Variants in TMCO5A observed in about 807,000 individuals in gnomAD.
The protein encoded by TMCO5A is transmembrane and coiled-coil domains 5A, also known as transmembrane and coiled-coil domain-containing protein 5A.
Under a neutral mutation model 42.3 loss-of-function variants are expected in TMCO5A, and 34 were observed. The ratio of observed to expected loss-of-function variants is 0.80; its 90% CI spans 0.61 to 1.07. The LOEUF (loss-of-function observed/expected upper bound fraction) is 1.07. Ranked by LOEUF, TMCO5A falls within the 50% of genes least tolerant of loss-of-function variation. The probability of loss-of-function intolerance (pLI) is 0.00; values close to 1 mark genes in which losing one functional copy is unlikely to be tolerated. For missense variants in TMCO5A, 357 were observed against 327.9 expected, an observed-to-expected ratio of 1.09 and a Z score of -0.69; for synonymous variants, 131 against 115.6, an observed-to-expected ratio of 1.13 and a Z score of -0.86.
In TMCO5A at chr15:37,949,597, C is replaced by T. The variant is rs906062104; in HGVS notation, c.669-1439C>T. Among the ~76,000 whole-genome samples the T allele has an allele frequency of 5.9e-5, 9 of 151,410 alleles. No homozygotes were observed. The South Asian group carries it at 6.2e-4, about 10-fold the overall frequency. On this transcript the variant is annotated intron_variant, in intron 11 of 11. Transcript: ENST00000319669. ...TTGCATGTCAAAGGAAAAGGCAGAACGAACTGTTCAATAAGAACAGCAGGG... is the reference window on the plus strand; with the variant it reads ...TTGCATGTCAAAGGAAAAGGCAGAATGAACTGTTCAATAAGAACAGCAGGG...
the TMCO5A span, among the ~76,000 whole-genome samples, chr15:37,997,146 AC>A: frequency 6.6e-6 from 1 of 152,126 alleles, no homozygotes; most frequent in Admixed American, 6.6e-5. Flanking sequence ...TGGGAGAAAA[AC>A]GACCTGGGAG....
chr15:37,951,122 A>T lies in TMCO5A; in HGVS notation c.755A>T (p.Asp252Val). 1 of 1,613,780 alleles carries T rather than the reference A, an allele frequency of 6.2e-7. No individual in the cohort carries two copies. Among genetic ancestry groups the T allele is most frequent in the Non-Finnish European group, 8.5e-7 (1 of 1,179,882 alleles). Residue 252 changes from aspartate to valine, a missense_variant, in exon 12 of 12, where the codon GAT (aspartate) becomes GTT (valine). By Grantham distance (152) the Asp-to-Val change is radical (BLOSUM62 -3). Coordinates refer to ENST00000319669, the MANE Select transcript of TMCO5A (RefSeq NM_152453.4). ...TTTCATGTAAGATTCATAAATCCAG[A>T]TCTCCTCGTCAATGTACTGCCCAAG... ...MFFHVRFINP[D>V]LLVNVLPKVL...
the TMCO5A span, among the ~76,000 whole-genome samples, chr15:37,997,019 G>A: frequency 2.0e-5 from 3 of 152,210 alleles, no homozygotes; most frequent in Non-Finnish European, 2.9e-5. Context: ...TAGGATGAAT[G>A]AGTTCATTAG....
At chr15:37,946,941 G>T (rs1395852773) in intron 10 of TMCO5A, among the ~76,000 whole-genome samples, 2 of 152,050 alleles carry the variant, frequency 1.3e-5, no homozygotes, top group Admixed American at 6.6e-5. Context: ...AGTTTTCAAG[G>T]GGAATGCTTC....
At position 37,951,154 on chromosome 15, in the gene TMCO5A, G is replaced by T. The variant is rs144635348; in HGVS notation, c.787G>T (p.Gly263Cys). 2.0e-5 allele frequency: 33 copies of T among 1,613,614 alleles called. No individual in the cohort carries two copies. Among genetic ancestry groups the T allele is most frequent in the Middle Eastern group, 1.7e-4 (1 of 6,048 alleles). Residue 263 changes from glycine (G) to cysteine (C), a missense_variant, in exon 12 of 12, where the codon GGC becomes TGC. Gly to Cys is a radical substitution (Grantham distance 159). Coordinates refer to ENST00000319669, the MANE Select transcript of TMCO5A (RefSeq NM_152453.4). ...LLVNVLPKVL[G>C]RSTLWKLRCF... ...CGTCAATGTACTGCCCAAGGTACTG[G>T]GCAGGAGCACCTTGTGGAAGCTCAG...
intron 11 of TMCO5A, 55 bp downstream of exon 11, chr15:37,947,751 T>A (rs533790350): frequency 1.6e-6 from 2 of 1,227,264 alleles, no homozygotes; most frequent in African/African-American, 3.0e-5. Context: ...CCTATTTAGC[T>A]ATTCGGGCAG....
chr15:37,987,066 A>G, the TMCO5A span, among the ~76,000 whole-genome samples: 1 of 152,014 alleles, frequency 6.6e-6, no homozygotes, highest in Non-Finnish European at 1.5e-5. Context: ...CTTCATCAAC[A>G]TACATTTTTT....
intron 6 of TMCO5A, among the ~76,000 whole-genome samples, chr15:37,939,458 A>C (rs770400081): frequency 6.6e-6 from 1 of 152,130 alleles, no homozygotes; most frequent in Non-Finnish European, 1.5e-5. Flanking sequence ...ATCTGATTGC[A>C]GTGGTCAGGA....
the TMCO5A span, among the ~76,000 whole-genome samples, chr15:38,013,782 C>T: frequency 6.6e-6 from 1 of 152,156 alleles, no homozygotes; most frequent in South Asian, 2.1e-4. Flanking sequence ...TATACTGTTA[C>T]TATAGCAAAT....
At chr15:37,995,902 C>A in the TMCO5A span, among the ~76,000 whole-genome samples, 1 of 151,920 alleles carries the variant, frequency 6.6e-6, no homozygotes, top group Non-Finnish European at 1.5e-5. Flanking sequence ...CACGATGGTG[C>A]TAGCCTCAAA....
At chr15:38,000,188 G>A in the TMCO5A span, among the ~76,000 whole-genome samples, 5 of 152,008 alleles carry the variant, frequency 3.3e-5, no homozygotes, top group Non-Finnish European at 7.4e-5. Context: ...TTATGGCTTC[G>A]ATCTTGTAAC....
At chr15:38,005,905 C>G in the TMCO5A span, among the ~76,000 whole-genome samples, 1 of 152,186 alleles carries the variant, frequency 6.6e-6, no homozygotes, top group Non-Finnish European at 1.5e-5. Context: ...AGGAACTGAA[C>G]AGCAATAACG....
At chr15:37,970,031 A>G (rs1890645791), downstream of TMCO5A, among the ~76,000 whole-genome samples, 1 of 152,180 alleles carries the variant, frequency 6.6e-6, no homozygotes, top group Non-Finnish European at 1.5e-5. Flanking sequence ...TCCTTTGGGT[A>G]TACACCCAAT....
intron 6 of TMCO5A, among the ~76,000 whole-genome samples, chr15:37,939,162 C>G (rs1471135223): frequency 2.0e-5 from 3 of 152,078 alleles, no homozygotes; most frequent in Admixed American, 1.3e-4. Flanking sequence ...CTTGCCTTAT[C>G]TAACTTCTCT....
At chr15:37,966,737 T>C in exon 12 of TMCO5A, 1 of 702,406 alleles carries the variant, frequency 1.4e-6, no homozygotes, top group Non-Finnish European at 2.6e-6. Flanking sequence ...AGCAGTAAAG[T>C]CCAGAAAAGG....
chr15:37,942,712 T>TTTTGGCTGGTATGCTCTTTTTCCAC, intron 9 of TMCO5A: 1 of 162,380 alleles, frequency 6.2e-6, no homozygotes. Context: ...TACCACATTA[T>TTTTGGCTGGTATGCTCTTTTTCCAC]ATAAATCAGA....
the TMCO5A span, among the ~76,000 whole-genome samples, chr15:38,018,786 T>A: frequency 6.6e-6 from 1 of 151,730 alleles, no homozygotes; most frequent in Non-Finnish European, 1.5e-5. Flanking sequence ...TTTTTTTACA[T>A]ACAGATTTCA....
intron 11 of TMCO5A, among the ~76,000 whole-genome samples, chr15:37,960,845 A>G (rs1377063330): frequency 1.3e-5 from 2 of 152,104 alleles, no homozygotes; most frequent in African/African-American, 2.4e-5. Context: ...AGAATTGTCT[A>G]TTCATGCCCT....
chr15:37,939,702 A>G (rs1889662599), intron 6 of TMCO5A, among the ~76,000 whole-genome samples: 1 of 149,270 alleles, frequency 6.7e-6, no homozygotes, highest in African/African-American at 2.4e-5. Context: ...ATCAGGTGAT[A>G]TCTCTAATTC....
Sources: allele counts gnomAD v4.1 joint callset (sites outside exome capture counted in the v4.1 genomes callset), GRCh38; gene constraint gnomAD v4.1.1; transcripts MANE v1.5; gene names NCBI Gene and HGNC (gene_info 2026-07-23, HGNC 2026-07-21).